HIPK2: variants seen among roughly 807,000 people sequenced by gnomAD.
HIPK2 encodes homeodomain interacting protein kinase 2, also known as homeodomain-interacting protein kinase 2.
HIPK2 carries 27 observed loss-of-function variants against 113.7 expected under a neutral mutation model. The observed-to-expected ratio is 0.24, with a 90% CI of 0.17 to 0.33. The LOEUF is 0.33. HIPK2 is among the 10% of genes least tolerant of loss of function. The pLI, the probability that HIPK2 is intolerant of heterozygous loss-of-function variation, is 1.00. For missense variants in HIPK2, 1,257 were observed against 1,588.0 expected (o/e 0.79, Z 3.54); for synonymous variants, 631 against 642.2 (o/e 0.98, Z 0.26).
At chr7:139,628,870 C>G in intron 5 of HIPK2, 83 bp downstream of exon 5, 1 of 1,196,246 alleles carries the variant, frequency 8.4e-7, no homozygotes, top group Non-Finnish European at 1.2e-6. Flanking sequence ...GATTTCAACC[C>G]ATTATCTTCT....
rs1287472205 is a variant in HIPK2, at chr7:139,777,947, GCGGGAGC to G, written c.-331_-325del. 1.4e-5 allele frequency among the ~76,000 whole-genome samples: 2 copies of G among 145,412 alleles called. No individual in the cohort carries two copies. Among genetic ancestry groups the G allele is most frequent in the Admixed American group, 1.4e-4 (2 of 14,720 alleles). ...GGCCCCCGAGCGGATCCGCGGAGGG[GCGGGAGC>G]CGGGGGCAGCGCGCGGCCAGGGCCG... On this transcript the variant is annotated 5_prime_UTR_variant, in exon 1 of 15. Coordinates refer to ENST00000406875, the MANE Select transcript of HIPK2 (RefSeq NM_022740.5).
intron 12 of HIPK2, among the ~76,000 whole-genome samples, chr7:139,587,068 T>C (rs1179109532): frequency 6.6e-6 from 1 of 152,146 alleles, no homozygotes; most frequent in Non-Finnish European, 1.5e-5. Context: ...GAATTTACAC[T>C]TAAAAATGGT....
At chr7:139,722,226 T>C (rs1320690334) in intron 1 of HIPK2, among the ~76,000 whole-genome samples, 2 of 152,172 alleles carry the variant, frequency 1.3e-5, no homozygotes, top group African/African-American at 2.4e-5. Context: ...ATATGACAAA[T>C]GAAAAATAGC....
chr7:139,600,367 A>C, intron 11 of HIPK2, 50 bp downstream of exon 11: 2 of 1,580,290 alleles, frequency 1.3e-6, no homozygotes, highest in Non-Finnish European at 1.7e-6. Flanking sequence ...TTTCTTTAGC[A>C]CTCACATCCC....
intron 10 of HIPK2, among the ~76,000 whole-genome samples, chr7:139,602,631 A>G (rs1024143017): frequency 2.0e-5 from 3 of 152,086 alleles, no homozygotes; most frequent in African/African-American, 7.2e-5. Flanking sequence ...GAGGGAAAAA[A>G]AAAAACCCAG....
At chr7:139,674,551 G>A (rs532335860) in intron 2 of HIPK2, among the ~76,000 whole-genome samples, 7 of 83,816 alleles carry the variant, frequency 8.4e-5, no homozygotes, top group Admixed American at 3.5e-4. Context: ...AAGCAGACAG[G>A]CTACGTGGGA....
chr7:139,577,002 G>A (rs1235436921), intron 13 of HIPK2, among the ~76,000 whole-genome samples: 1 of 152,194 alleles, frequency 6.6e-6, no homozygotes, highest in East Asian at 1.9e-4. Context: ...ACACAGTGCA[G>A]TATTAATACA....
At chr7:139,583,228 C>T (rs147583322) in intron 13 of HIPK2, among the ~76,000 whole-genome samples, 14 of 152,366 alleles carry the variant, frequency 9.2e-5, no homozygotes, top group African/African-American at 2.9e-4. Flanking sequence ...CAGAAGGTTA[C>T]GTTCTCAGCC....
At chr7:139,677,610 T>C (rs1045852438) in intron 2 of HIPK2, among the ~76,000 whole-genome samples, 1 of 152,202 alleles carries the variant, frequency 6.6e-6, no homozygotes, top group African/African-American at 2.4e-5. Flanking sequence ...AGTTCTGGGA[T>C]ACATGTGCAG....
At chr7:139,685,395 TCAAG>T (rs1363682530) in intron 2 of HIPK2, among the ~76,000 whole-genome samples, 1 of 152,156 alleles carries the variant, frequency 6.6e-6, no homozygotes, top group East Asian at 1.9e-4. Flanking sequence ...ACTCCTGGGC[TCAAG>T]CAATCCTCCT....
intron 7 of HIPK2, 67 bp from the exon 8 acceptor site, chr7:139,614,560 G>C: frequency 1.0e-6 from 1 of 1,001,850 alleles, no homozygotes; most frequent in East Asian, 3.1e-5. Flanking sequence ...GGCATGTTGG[G>C]AGACACGAAT....
intron 2 of HIPK2, among the ~76,000 whole-genome samples, chr7:139,696,826 C>T (rs1170520606): frequency 1.3e-5 from 2 of 152,244 alleles, no homozygotes; most frequent in East Asian, 1.9e-4. Flanking sequence ...AGCATTGCTT[C>T]CTCAGAGAGA....
At chr7:139,688,353 CCT>C in intron 2 of HIPK2, among the ~76,000 whole-genome samples, 1 of 152,360 alleles carries the variant, frequency 6.6e-6, no homozygotes, top group East Asian at 1.9e-4. Flanking sequence ...TACCGCTCCC[CCT>C]AACTGGGAGT....
chr7:139,741,537 C>T (rs960713564), intron 1 of HIPK2, among the ~76,000 whole-genome samples: 7 of 152,188 alleles, frequency 4.6e-5, no homozygotes, highest in African/African-American at 7.2e-5. Flanking sequence ...CAGTTTGACG[C>T]GGTGGGGATG....
intron 1 of HIPK2, among the ~76,000 whole-genome samples, chr7:139,721,644 T>C (rs1191667672): frequency 1.3e-5 from 2 of 152,214 alleles, no homozygotes; most frequent in Non-Finnish European, 2.9e-5. Flanking sequence ...TTAATGCACA[T>C]TGTCAGTTTG....
chr7:139,746,279 C>T (rs1569484252), intron 1 of HIPK2, among the ~76,000 whole-genome samples: 1 of 152,234 alleles, frequency 6.6e-6, no homozygotes, highest in Admixed American at 6.5e-5. Flanking sequence ...CAACCTCGAG[C>T]TTGCTCCCTA....
intron 1 of HIPK2, among the ~76,000 whole-genome samples, chr7:139,745,600 C>T (rs1053157976): frequency 5.9e-5 from 9 of 152,150 alleles, no homozygotes; most frequent in Admixed American, 5.2e-4. Flanking sequence ...GCTCATTACC[C>T]CACTGTTCTC....
chr7:139,626,573 G>A (rs368083777), intron 6 of HIPK2, 28 bp downstream of exon 6: 69 of 1,601,438 alleles, frequency 4.3e-5, no homozygotes, highest in Non-Finnish European at 5.5e-5. Flanking sequence ...GCCGATCCCT[G>A]GTACGAAGCA....
chr7:139,716,779 A>G lies in HIPK2; in HGVS notation c.256T>C (p.Phe86Leu). 1 of 1,613,886 alleles carries G rather than the reference A, an allele frequency of 6.2e-7. No homozygotes were observed. The highest frequency in any genetic ancestry group is 8.5e-7 in the Non-Finnish European group (1 of 1,179,868). The change falls in exon 2 of 15, where the codon TTC becomes CTC. Residue 86 changes from phenylalanine (F) to leucine (L), a missense_variant. Around this residue, in one of 5 missense-constraint regions of HIPK2, gnomAD observed 209 missense variants for 237.8 expected, o/e 0.88. Coordinates refer to ENST00000406875, the MANE Select transcript of HIPK2 (RefSeq NM_022740.5). This position sits in a 1 kb window ranked among gnomAD's most constrained non-coding sequence, Gnocchi z 9.3. ...PSLPYEQTIVFPGSTGHIVVT... is the reference protein window; with the variant it reads ...PSLPYEQTIVLPGSTGHIVVT... ...ACGATGTGCCCGGTGCTTCCTGGGA[A>G]GACGATGGTCTGCTCGTAAGGTAGG... is the stretch of plus-strand genomic sequence containing the variant.
Sources: gnomAD v4.1 joint callset for allele counts (sites outside exome capture counted in the v4.1 genomes callset) on GRCh38, gnomAD v4.1.1 for gene constraint, gnomAD v4.1.1 regional missense constraint, Gnocchi (gnomAD v3.1) non-coding constraint, MANE v1.5 for transcripts, NCBI Gene and HGNC (gene_info 2026-07-23, HGNC 2026-07-21) for gene names.